Variants in SNTG1 observed in about 807,000 individuals in gnomAD.
The protein encoded by SNTG1 is syntrophin gamma 1.
SNTG1 carries 39 observed loss-of-function variants against 74.7 expected under a neutral mutation model. The ratio of observed to expected loss-of-function variants is 0.52; its 90% CI spans 0.40 to 0.68. The LOEUF (loss-of-function observed/expected upper bound fraction) is 0.68. SNTG1 is among the 30% of genes least tolerant of loss of function. The probability of loss-of-function intolerance (pLI) is 0.00; values close to 1 mark genes in which losing one functional copy is unlikely to be tolerated. For synonymous variants in SNTG1, 254 were observed against 217.1 expected (o/e 1.17, Z -1.49); for missense variants, 685 against 609.5 (o/e 1.12, Z -1.30).
At chr8:49,967,859 C>T (rs1194896494) in intron 1 of SNTG1, among the ~76,000 whole-genome samples, 3 of 152,148 alleles carry the variant, frequency 2.0e-5, no homozygotes, top group Non-Finnish European at 4.4e-5. Flanking sequence ...TCGCTACTGA[C>T]ATTTGTAGTT....
chr8:50,547,206 G>A (rs891004939), intron 11 of SNTG1, among the ~76,000 whole-genome samples: 5 of 152,160 alleles, frequency 3.3e-5, no homozygotes, highest in African/African-American at 1.2e-4. Flanking sequence ...TGGATACAGA[G>A]GTTGAATTGA....
At chr8:50,236,449 A>AT (rs201903542) in intron 2 of SNTG1, among the ~76,000 whole-genome samples, 6,341 of 96,474 alleles carry the variant, frequency 0.066, 220 homozygotes, top group Middle Eastern at 0.12. Context: ...TTTAATTGTA[A>AT]ATTTTTTTTT....
At chr8:50,382,351 T>C (rs961912839) in intron 2 of SNTG1, 13 of 152,214 alleles carry the variant, frequency 8.5e-5, no homozygotes, top group Admixed American at 3.3e-4. Context: ...TATCATGTTA[T>C]TAAATGGCTG....
At chr8:50,690,933 T>G (rs1032264802) in intron 15 of SNTG1, among the ~76,000 whole-genome samples, 4 of 152,220 alleles carry the variant, frequency 2.6e-5, no homozygotes, top group Non-Finnish European at 5.9e-5. Flanking sequence ...TGGGTGCTCC[T>G]GTATTGGGTG....
intron 12 of SNTG1, among the ~76,000 whole-genome samples, chr8:50,586,011 A>G (rs866574855): frequency 3.3e-5 from 5 of 152,168 alleles, no homozygotes; most frequent in Admixed American, 6.5e-5. Flanking sequence ...GAAAGCATCA[A>G]TGGATTCATT....
chr8:49,943,508 T>C (rs139080210), intron 1 of SNTG1, among the ~76,000 whole-genome samples: 1 of 152,354 alleles, frequency 6.6e-6, no homozygotes, highest in East Asian at 1.9e-4. Context: ...GCTAGGAGAA[T>C]GGATTTAGGA....
At chr8:50,223,039 T>G (rs1016899472) in intron 2 of SNTG1, among the ~76,000 whole-genome samples, 2 of 152,074 alleles carry the variant, frequency 1.3e-5, no homozygotes, top group African/African-American at 4.8e-5. Context: ...AGAAAGACCC[T>G]GAAAACCTTG....
chr8:50,186,804 T>C (rs1586628259), intron 2 of SNTG1, among the ~76,000 whole-genome samples: 1 of 152,118 alleles, frequency 6.6e-6, no homozygotes, highest in East Asian at 1.9e-4. Context: ...GTCAGATGGG[T>C]AGATTGCAAA....
chr8:50,646,921 A>G lies in SNTG1; in HGVS notation c.850-9988A>G, dbSNP rs553532258. ...AGCCAAGAAATAAAGTCAAACAAGT[A>G]TAGTTAATCTTTAAAAAAGGAAAAA... is the stretch of plus-strand genomic sequence containing the variant. On this transcript the variant is annotated intron_variant, in intron 13 of 18. Transcript: ENST00000642720. Among the ~76,000 whole-genome samples, 8 of 152,290 alleles carry G rather than the reference A, an allele frequency of 5.3e-5. No individual in the cohort carries two copies. The South Asian group carries it at 1.7e-3, about 32-fold the overall frequency.
chr8:50,719,965 G>A, intron 17 of SNTG1, among the ~76,000 whole-genome samples: 1 of 152,028 alleles, frequency 6.6e-6, no homozygotes, highest in East Asian at 1.9e-4. Flanking sequence ...TTTATGTGAA[G>A]TTAATTTGAA....
chr8:50,422,203 A>G (rs2093097281), intron 4 of SNTG1, among the ~76,000 whole-genome samples: 1 of 152,120 alleles, frequency 6.6e-6, no homozygotes, highest in South Asian at 2.1e-4. Flanking sequence ...GTCAACATAT[A>G]TATTTTGGGG....
At chr8:50,244,837 CTAGA>C (rs2086321444) in intron 2 of SNTG1, among the ~76,000 whole-genome samples, 1 of 152,072 alleles carries the variant, frequency 6.6e-6, no homozygotes, top group South Asian at 2.1e-4. Flanking sequence ...AGAATAGATG[CTAGA>C]TACTTATTTC....
chr8:50,777,718 A>G (rs893304933), intron 18 of SNTG1, among the ~76,000 whole-genome samples: 1 of 149,692 alleles, frequency 6.7e-6, no homozygotes. Flanking sequence ...TATTATTATT[A>G]TACTTTAAGT....
intron 2 of SNTG1, among the ~76,000 whole-genome samples, chr8:50,377,048 G>A (rs1268129500): frequency 1.3e-5 from 2 of 152,130 alleles, no homozygotes; most frequent in Non-Finnish European, 2.9e-5. Flanking sequence ...CAATGGGTCG[G>A]CTTTCTGAGT....
chr8:50,179,815 T>A (rs747478628), intron 2 of SNTG1, among the ~76,000 whole-genome samples: 10 of 152,136 alleles, frequency 6.6e-5, no homozygotes, highest in Non-Finnish European at 1.0e-4. Context: ...AAGGAAACCC[T>A]TGTGCACTGC....
At chr8:50,028,097 A>G (rs538060521) in intron 1 of SNTG1, among the ~76,000 whole-genome samples, 85 of 152,256 alleles carry the variant, frequency 5.6e-4, no homozygotes, top group African/African-American at 2.0e-3. Flanking sequence ...TTCCATTACT[A>G]ACAAAGAGTG....
chr8:50,501,003 G>A lies in SNTG1; in HGVS notation c.364-1775G>A, dbSNP rs573736070. Among the ~76,000 whole-genome samples the A allele has an allele frequency of 1.1e-4, 17 of 152,238 alleles. No homozygotes were observed. The East Asian group carries it at 2.9e-3, about 26-fold the overall frequency. ...CAAAGTGGCCTCCCTCACTGGGCAC[G>A]TATGAGGAGGTACCCCTGCCAATGA... On this transcript the variant is annotated intron_variant, in intron 8 of 18. Transcript: ENST00000642720.
chr8:50,278,939 G>T (rs10103030), intron 2 of SNTG1, among the ~76,000 whole-genome samples: 136,142 of 152,130 alleles, frequency 0.89, 62,845 homozygotes, highest in East Asian at 1. Context: ...GAAGTCCTTT[G>T]AGGGATCATT....
intron 15 of SNTG1, among the ~76,000 whole-genome samples, chr8:50,685,110 TA>T (rs1343584718): frequency 6.6e-6 from 1 of 152,090 alleles, no homozygotes; most frequent in African/African-American, 2.4e-5. Context: ...TAGATAGATT[TA>T]ACAAATAAAT....
Sources: allele counts gnomAD v4.1 joint callset (sites outside exome capture counted in the v4.1 genomes callset), GRCh38; gene constraint gnomAD v4.1.1; transcripts MANE v1.5; gene names NCBI Gene and HGNC (gene_info 2026-07-23, HGNC 2026-07-21).